Variants in PPP1R2 observed in about 807,000 individuals in gnomAD.
The protein encoded by PPP1R2 is protein phosphatase inhibitor 2.
A neutral mutation model predicts 29.9 loss-of-function variants in PPP1R2; 16 were observed. That is an observed-to-expected ratio of 0.53 (90% confidence interval 0.36 to 0.81). The LOEUF is 0.81. Among genes scored for constraint, PPP1R2 ranks in the 30% least tolerant of loss-of-function variants. The probability of loss-of-function intolerance (pLI) is 0.00; values close to 1 mark genes in which losing one functional copy is unlikely to be tolerated. For missense variants in PPP1R2, 197 were observed against 252.7 expected, an observed-to-expected ratio of 0.78 and a Z score of 1.49; for synonymous variants, 76 against 91.5, an observed-to-expected ratio of 0.83 and a Z score of 0.96.
At chr3:195,529,575 T>C in intron 2 of PPP1R2, 1 of 380,448 alleles carries the variant, frequency 2.6e-6, no homozygotes, top group Non-Finnish European at 4.7e-6. Flanking sequence ...AATAAACATT[T>C]ACTACTACCA....
At chr3:195,521,674 A>G (rs1205087498) in intron 4 of PPP1R2, among the ~76,000 whole-genome samples, 1 of 152,132 alleles carries the variant, frequency 6.6e-6, no homozygotes, top group Non-Finnish European at 1.5e-5. Flanking sequence ...TTTTAAAGAC[A>G]AAGTCTCACT....
intron 1 of PPP1R2, among the ~76,000 whole-genome samples, chr3:195,536,443 T>TA: frequency 6.6e-6 from 1 of 152,270 alleles, no homozygotes; most frequent in East Asian, 1.9e-4. Context: ...TAAAATATTT[T>TA]AAAAATAAAC....
At chr3:195,535,384 T>G (rs1013369744) in intron 1 of PPP1R2, among the ~76,000 whole-genome samples, 2 of 152,222 alleles carry the variant, frequency 1.3e-5, no homozygotes, top group Non-Finnish European at 2.9e-5. Flanking sequence ...TTCACCACTG[T>G]GTATGCCATT....
chr3:195,518,957 G>A (rs1577562206), intron 5 of PPP1R2, 61 bp downstream of exon 5: 1 of 1,573,618 alleles, frequency 6.4e-7, no homozygotes, highest in South Asian at 1.2e-5. Flanking sequence ...GCAAAATAAA[G>A]TACATTATCT....
chr3:195,520,447 A>C (rs1031473218), intron 4 of PPP1R2, among the ~76,000 whole-genome samples: 5 of 152,162 alleles, frequency 3.3e-5, no homozygotes, highest in Non-Finnish European at 7.3e-5. Context: ...TATCTCTACA[A>C]AAAAATTACA....
intron 1 of PPP1R2, among the ~76,000 whole-genome samples, chr3:195,532,545 C>CA (rs1188412310): frequency 2.0e-5 from 3 of 151,882 alleles, no homozygotes; most frequent in Non-Finnish European, 4.4e-5. Flanking sequence ...TGGCAGAAAA[C>CA]AAAAAACAAA....
intron 1 of PPP1R2, among the ~76,000 whole-genome samples, chr3:195,531,936 G>A (rs979224285): frequency 1.1e-4 from 16 of 152,160 alleles, no homozygotes; most frequent in African/African-American, 3.9e-4. Flanking sequence ...TAGGTACCTC[G>A]CAGAAGCGAA....
At chr3:195,520,260 T>C (rs1031663532) in intron 4 of PPP1R2, among the ~76,000 whole-genome samples, 1 of 152,184 alleles carries the variant, frequency 6.6e-6, no homozygotes, top group Non-Finnish European at 1.5e-5. Context: ...TCCGCCTGCC[T>C]TGGCCTCCAA....
intron 1 of PPP1R2, among the ~76,000 whole-genome samples, chr3:195,532,802 A>C (rs1719237889): frequency 6.6e-6 from 1 of 152,228 alleles, no homozygotes; most frequent in African/African-American, 2.4e-5. Flanking sequence ...AAAAAACCTT[A>C]AAAGTTAGTT....
At chr3:195,541,397 T>A in intron 1 of PPP1R2, among the ~76,000 whole-genome samples, 1 of 151,908 alleles carries the variant, frequency 6.6e-6, no homozygotes, top group East Asian at 1.9e-4. Context: ...ACCCTGAAGC[T>A]ACATTTGAGC....
Position 195,536,788 on chromosome 3 carries a change from C to CAA in PPP1R2, c.122+6114_122+6115dup, listed in dbSNP as rs10717955. 4.7e-3 allele frequency among the ~76,000 whole-genome samples: 335 copies of CAA among 71,712 alleles called. 1 individual carries two copies. Among genetic ancestry groups the CAA allele is most frequent in the African/African-American group, 0.011 (222 of 19,968 alleles). The allele number at this position is 71,712 out of a possible 152,430, so 47.0% of individuals were successfully genotyped here. A position where few individuals can be genotyped will look rare whatever the true frequency, so the allele number is the denominator to read the frequency against. ...GGGCGACAAGAGCGAAACTCCGTCT[C>CAA]AAAAAAAAAAAAAAAAAAAAAAGAC... On this transcript the variant is annotated intron_variant, in intron 1 of 5. Transcript: ENST00000618156.
intron 2 of PPP1R2, among the ~76,000 whole-genome samples, chr3:195,525,874 G>A (rs1461544990): frequency 3.3e-5 from 5 of 152,104 alleles, no homozygotes. Flanking sequence ...TTTTCTAAGG[G>A]AAGTTGAAAT....
chr3:195,533,484 T>A (rs934806625), intron 1 of PPP1R2, among the ~76,000 whole-genome samples: 1 of 152,168 alleles, frequency 6.6e-6, no homozygotes, highest in Admixed American at 6.5e-5. Flanking sequence ...TGCAATATTG[T>A]AAACCTTGAG....
intron 5 of PPP1R2, 55 bp downstream of exon 5, chr3:195,518,963 T>C (rs1718653660): frequency 2.5e-6 from 4 of 1,576,980 alleles, no homozygotes; most frequent in East Asian, 2.3e-5. Context: ...TAAAGTACAT[T>C]ATCTTAGGCA....
intron 2 of PPP1R2, among the ~76,000 whole-genome samples, chr3:195,526,278 TG>T (rs1718968711): frequency 6.6e-6 from 1 of 151,988 alleles, no homozygotes; most frequent in Non-Finnish European, 1.5e-5. Flanking sequence ...TTTTATTTTT[TG>T]TAGAGACGGG....
intron 2 of PPP1R2, among the ~76,000 whole-genome samples, chr3:195,526,266 C>T (rs910127968): frequency 6.6e-6 from 1 of 151,824 alleles, no homozygotes; most frequent in Non-Finnish European, 1.5e-5. Context: ...TGGCTTAATT[C>T]TTTTTATTTT....
chr3:195,536,737 G>A (rs1480119068), intron 1 of PPP1R2, among the ~76,000 whole-genome samples: 1 of 142,200 alleles, frequency 7.0e-6, no homozygotes, highest in African/African-American at 2.6e-5. Flanking sequence ...GCCGTGAGCT[G>A]AGATTGCACC....
intron 2 of PPP1R2, among the ~76,000 whole-genome samples, chr3:195,526,242 T>G (rs1347507956): frequency 6.6e-6 from 1 of 151,912 alleles, no homozygotes; most frequent in Non-Finnish European, 1.5e-5. Flanking sequence ...ACTACAGGCA[T>G]GTGCTACCAT....
intron 5 of PPP1R2, among the ~76,000 whole-genome samples, chr3:195,517,997 A>T (rs1264395332): frequency 6.6e-6 from 1 of 152,208 alleles, no homozygotes; most frequent in Non-Finnish European, 1.5e-5. Flanking sequence ...ATAATTATTT[A>T]ATTTCCTAAG....
Sources: gnomAD v4.1 joint callset for allele counts (sites outside exome capture counted in the v4.1 genomes callset) on GRCh38, gnomAD v4.1.1 for gene constraint, MANE v1.5 for transcripts, NCBI Gene and HGNC (gene_info 2026-07-23, HGNC 2026-07-21) for gene names.